The following MYO1E variants were observed in gnomAD, a reference collection of about 807,000 sequenced individuals.
The protein encoded by MYO1E is myosin IE, also known as unconventional myosin-Ie.
Under a neutral mutation model 151.1 loss-of-function variants are expected in MYO1E, and 68 were observed. The observed-to-expected ratio is 0.45, with a 90% CI of 0.37 to 0.55. The LOEUF (loss-of-function observed/expected upper bound fraction) is 0.55. MYO1E is among the 20% of genes least tolerant of loss of function. MYO1E has a pLI of 0.00. For synonymous variants in MYO1E, 601 were observed against 501.7 expected, an observed-to-expected ratio of 1.20 and a Z score of -2.64; for missense variants, 1,363 against 1,389.3, an observed-to-expected ratio of 0.98 and a Z score of 0.30.
At chr15:59,318,310 T>C (rs557858055) in intron 1 of MYO1E, among the ~76,000 whole-genome samples, 1 of 152,292 alleles carries the variant, frequency 6.6e-6, no homozygotes, top group South Asian at 2.1e-4. Context: ...CTCGAAATGC[T>C]TCAATGTCTT....
chr15:59,233,529 T>C (rs1233009068), intron 5 of MYO1E, among the ~76,000 whole-genome samples: 3 of 151,902 alleles, frequency 2.0e-5, no homozygotes, highest in Admixed American at 2.0e-4. Flanking sequence ...CTGGGCATAG[T>C]GGTGCACGCC....
At position 59,227,543 on chromosome 15, in the gene MYO1E, A is replaced by G. The variant is rs1264635093; in HGVS notation, c.558T>C (p.Gly186=). 28 of 1,614,148 alleles carry G rather than the reference A, an allele frequency of 1.7e-5. No individual in the cohort carries two copies. Among genetic ancestry groups the G allele is most frequent in the Non-Finnish European group, 2.4e-5 (28 of 1,180,002 alleles). The change falls in exon 7 of 28, where the codon GGT becomes GGC. Residue 186 remains glycine (G), a synonymous_variant. Transcript: ENST00000288235. ...IQFSPGGEPD[G]GKISNFLLEK... is the part of the protein sequence containing the mutation. ...CCAGAAGGAAGTTGGAGATCTTTCC[A>G]CCATCTGGTTCCCCACCTGGACTGA...
chr15:59,197,596 T>C (rs746579548), intron 16 of MYO1E, among the ~76,000 whole-genome samples: 2 of 152,210 alleles, frequency 1.3e-5, no homozygotes, highest in Non-Finnish European at 2.9e-5. Flanking sequence ...AAACAAAGTA[T>C]TGCTCAAGAT....
rs2080954273 is a variant in MYO1E, at chr15:59,372,562, C to T, written c.-62G>A. The T allele has an allele frequency of 6.5e-7, 1 of 1,532,142 alleles. No individual in the cohort carries two copies. 94.9% of individuals were successfully genotyped at this position (1,532,142 alleles called of 1,614,324 possible). A position where few individuals can be genotyped will look rare whatever the true frequency, so the allele number is the denominator to read the frequency against. The stretch of plus-strand genomic sequence containing the variant: ...CGCTGCCGGGGAACTGGGGCTGGAA[C>T]GCAGTCTTCTGGGCGAACTTCAAAA... On this transcript the variant is annotated 5_prime_UTR_variant, in exon 1 of 28. Transcript: ENST00000288235.
chr15:59,276,589 T>A (rs896860958), intron 1 of MYO1E, among the ~76,000 whole-genome samples: 4 of 152,178 alleles, frequency 2.6e-5, no homozygotes, highest in Non-Finnish European at 5.9e-5. Context: ...ATGACGTAGT[T>A]TATTAAAAAG....
intron 1 of MYO1E, among the ~76,000 whole-genome samples, chr15:59,346,240 T>C (rs368142423): frequency 7.2e-5 from 11 of 152,212 alleles, no homozygotes; most frequent in African/African-American, 2.4e-4. Flanking sequence ...CAGGGACCTA[T>C]TCAGAAGCAC....
chr15:59,208,473 T>A, intron 14 of MYO1E: 1 of 642,604 alleles, frequency 1.6e-6, no homozygotes, highest in Non-Finnish European at 2.7e-6. Flanking sequence ...AAAAAAGTAG[T>A]AGCTTCTTCT....
intron 19 of MYO1E, 28 bp downstream of exon 19, chr15:59,178,365 G>C: frequency 6.2e-7 from 1 of 1,613,550 alleles, no homozygotes; most frequent in South Asian, 1.1e-5. Context: ...CGGGAGGGAA[G>C]AGAGTGGAGA....
chr15:59,222,983 C>CA (rs2079965392), intron 9 of MYO1E, 76 bp downstream of exon 9: 3 of 1,592,280 alleles, frequency 1.9e-6, no homozygotes, highest in Non-Finnish European at 8.6e-7. Context: ...GAGATCTAAG[C>CA]AAAGGAAAGT....
At chr15:59,164,484 C>A (rs1369561457) in intron 22 of MYO1E, among the ~76,000 whole-genome samples, 1 of 152,226 alleles carries the variant, frequency 6.6e-6, no homozygotes, top group Non-Finnish European at 1.5e-5. Flanking sequence ...AGGAGCTCTG[C>A]TCTGCTCTCA....
rs368772598 is a variant in MYO1E at position 59,251,256 on chromosome 15, A to C, written c.332+5028T>G. Among the ~76,000 whole-genome samples the C allele has an allele frequency of 9.2e-5, 14 of 152,256 alleles. No homozygotes were observed. In the East Asian group the frequency reaches 1.3e-3, roughly 15 times the overall value. On this transcript the variant is annotated intron_variant, in intron 4 of 27. Coordinates refer to ENST00000288235, the MANE Select transcript of MYO1E (RefSeq NM_004998.4). Reference sequence around the variant, plus strand: ...CCTGCATCTGATCAAGTCATTAGATATAACCTTAAACTTGTAGAAAATCCA... The same window carrying C: ...CCTGCATCTGATCAAGTCATTAGATCTAACCTTAAACTTGTAGAAAATCCA...
chr15:59,330,515 T>C (rs1267268006), intron 1 of MYO1E, among the ~76,000 whole-genome samples: 1 of 152,230 alleles, frequency 6.6e-6, no homozygotes, highest in African/African-American at 2.4e-5. Flanking sequence ...TGTCAGGTTT[T>C]TGCCTAAGTC....
chr15:59,296,299 C>A (rs1401719071), intron 1 of MYO1E, among the ~76,000 whole-genome samples: 1 of 152,230 alleles, frequency 6.6e-6, no homozygotes, highest in Non-Finnish European at 1.5e-5. Context: ...TAAGGATATT[C>A]AGAACCAAAC....
Position 59,231,715 on chromosome 15 carries a change from T to C in MYO1E, c.497A>G (p.Asn166Ser), listed in dbSNP as rs768510980. 6.2e-7 allele frequency: 1 copy of C among 1,613,840 alleles called. No individual in the cohort carries two copies. The highest frequency in any genetic ancestry group is 8.5e-7 in the Non-Finnish European group (1 of 1,179,902). Reference sequence around the variant, plus strand: ...GAAGGGACTTACAAATCGGCTGGAGTTGTTGTTCCGGACGGTCTTGGCGTT... The same window carrying C: ...GAAGGGACTTACAAATCGGCTGGAGCTGTTGTTCCGGACGGTCTTGGCGTT... ...FGNAKTVRNN[N>S]SSRFGKYFEI... The change falls in exon 6 of 28, where the codon AAC (asparagine) becomes AGC (serine). Residue 166 changes from asparagine (N) to serine (S), a missense_variant. By Grantham distance (46) the Asn-to-Ser change is conservative. Transcript: ENST00000288235.
At chr15:59,328,279 C>T (rs2080677981) in intron 1 of MYO1E, among the ~76,000 whole-genome samples, 1 of 152,070 alleles carries the variant, frequency 6.6e-6, no homozygotes, top group African/African-American at 2.4e-5. Flanking sequence ...CTGCTTAGTC[C>T]CGTCTACCTC....
At chr15:59,319,064 A>C (rs2080607799) in intron 1 of MYO1E, among the ~76,000 whole-genome samples, 2 of 152,150 alleles carry the variant, frequency 1.3e-5, no homozygotes, top group Admixed American at 1.3e-4. Context: ...TAATCCTAGC[A>C]CTTTGGGAGG....
chr15:59,194,980 C>A (rs778989556), intron 17 of MYO1E, among the ~76,000 whole-genome samples: 25 of 152,134 alleles, frequency 1.6e-4, no homozygotes, highest in Admixed American at 2.0e-4. Context: ...AGGGGGAATG[C>A]CAGAGCCTCC....
intron 26 of MYO1E, among the ~76,000 whole-genome samples, chr15:59,147,573 G>C (rs1246947159): frequency 1.6e-5 from 2 of 123,004 alleles, no homozygotes; most frequent in Non-Finnish European, 3.2e-5. Flanking sequence ...CTCCAGCCTG[G>C]GTGACAGAGT....
In MYO1E at chr15:59,308,773, A is replaced by C. The variant is rs143130652; in HGVS notation, c.4-36324T>G. ...AGAATTGCTTGAACCCAGGAGACGG[A>C]GGTCACAGTGAGCGGTAATTGTGCC... On this transcript the variant is annotated intron_variant, in intron 1 of 27. Coordinates refer to ENST00000288235, the MANE Select transcript of MYO1E (RefSeq NM_004998.4). Among the ~76,000 whole-genome samples, 1,370 of 150,872 alleles carry C rather than the reference A, an allele frequency of 9.1e-3. 19 individuals carry two copies. Among genetic ancestry groups the C allele is most frequent in the African/African-American group, 0.031 (1,280 of 41,016 alleles).
Sources: allele counts gnomAD v4.1 joint callset (sites outside exome capture counted in the v4.1 genomes callset), GRCh38; gene constraint gnomAD v4.1.1; transcripts MANE v1.5; gene names NCBI Gene and HGNC (gene_info 2026-07-23, HGNC 2026-07-21).